Variants in TTLL5 observed in about 807,000 individuals in gnomAD.
The protein encoded by TTLL5 is tubulin tyrosine ligase like 5.
Under a neutral mutation model 168.4 loss-of-function variants are expected in TTLL5, and 132 were observed. The observed-to-expected ratio is 0.78, with a 90% confidence interval of 0.68 to 0.91. TTLL5 has a LOEUF of 0.91. Among genes scored for constraint, TTLL5 ranks in the 40% least tolerant of loss-of-function variants. The pLI, the probability that TTLL5 is intolerant of heterozygous loss-of-function variation, is 0.00. For synonymous variants in TTLL5, 546 were observed against 558.6 expected (o/e 0.98, Z 0.32); for missense variants, 1,545 against 1,581.5 (o/e 0.98, Z 0.39).
At chr14:75,845,356 C>T (rs1163368495) in intron 28 of TTLL5, among the ~76,000 whole-genome samples, 4 of 152,172 alleles carry the variant, frequency 2.6e-5, no homozygotes, top group East Asian at 3.8e-4. Context: ...AAGGACTCCC[C>T]GTGGCTGTAG....
In TTLL5 at chr14:75,891,163, G is replaced by A. The variant is rs376109181; in HGVS notation, c.3740+8261G>A. ...TCTATCACCGCTTTGCACACAGACT[G>A]TTCCACACACATGCTTCCCATTCTT... On this transcript the variant is annotated intron_variant, in intron 30 of 31. Coordinates refer to ENST00000298832, the MANE Select transcript of TTLL5 (RefSeq NM_015072.5). Among the ~76,000 whole-genome samples the A allele has an allele frequency of 7.2e-5, 11 of 152,294 alleles. No individual in the cohort carries two copies. The East Asian group carries it at 9.6e-4, about 13-fold the overall frequency.
chr14:75,765,312 A>G (rs61980797), intron 19 of TTLL5, among the ~76,000 whole-genome samples: 16,005 of 152,188 alleles, frequency 0.11, 1,016 homozygotes, highest in Non-Finnish European at 0.14. Context: ...TAAAAAAGAT[A>G]TGGTCTCTGT....
chr14:75,825,276 T>G (rs1436006778), intron 28 of TTLL5, among the ~76,000 whole-genome samples: 1 of 152,188 alleles, frequency 6.6e-6, no homozygotes, highest in African/African-American at 2.4e-5. Context: ...CCACTTAGTT[T>G]AGTACCTAGT....
At chr14:75,679,294 G>C (rs1884416786) in intron 3 of TTLL5, among the ~76,000 whole-genome samples, 1 of 152,160 alleles carries the variant, frequency 6.6e-6, no homozygotes, top group African/African-American at 2.4e-5. Context: ...ATGTGAAAAA[G>C]ACTACATGCA....
At chr14:75,795,348 T>C (rs574282427) in intron 27 of TTLL5, among the ~76,000 whole-genome samples, 10 of 152,376 alleles carry the variant, frequency 6.6e-5, no homozygotes, top group African/African-American at 1.9e-4. Context: ...AACAAGTTTT[T>C]AGATAAAGTG....
chr14:75,863,966 T>C, intron 29 of TTLL5, 104 bp downstream of exon 29: 1 of 1,219,706 alleles, frequency 8.2e-7, no homozygotes, highest in South Asian at 1.8e-5. Context: ...GGATTAGTTT[T>C]CCAACCCCGT....
At chr14:75,815,508 G>C (rs959869695) in intron 27 of TTLL5, among the ~76,000 whole-genome samples, 2 of 152,138 alleles carry the variant, frequency 1.3e-5, no homozygotes, top group African/African-American at 4.8e-5. Context: ...TCATGATCAA[G>C]TCACTTTTTA....
intron 9 of TTLL5, chr14:75,710,434 ACAC>A (rs1886992650): frequency 6.6e-6 from 1 of 151,080 alleles, no homozygotes; most frequent in Middle Eastern, 3.2e-3. Flanking sequence ...ACACACACAC[ACAC>A]AATGGATGTT....
chr14:75,662,569 C>T (rs150711720), intron 1 of TTLL5, among the ~76,000 whole-genome samples: 1,988 of 151,200 alleles, frequency 0.013, 53 homozygotes, highest in African/African-American at 0.043. Flanking sequence ...GAACTCCCGA[C>T]CTCAGGTGAT....
At chr14:75,791,123 A>AAAAAAAAAAAAT in intron 26 of TTLL5, among the ~76,000 whole-genome samples, 1 of 150,786 alleles carries the variant, frequency 6.6e-6, no homozygotes, top group Non-Finnish European at 1.5e-5. Flanking sequence ...AAAAAAAAAA[A>AAAAAAAAAAAAT]ATACCACTTT....
chr14:75,796,429 T>A (rs1893000821), intron 27 of TTLL5, among the ~76,000 whole-genome samples: 1 of 152,204 alleles, frequency 6.6e-6, no homozygotes, highest in Non-Finnish European at 1.5e-5. Context: ...TTAGTTTAAT[T>A]AAATTCTATC....
chr14:75,890,795 C>T (rs2032362696), intron 30 of TTLL5, among the ~76,000 whole-genome samples: 1 of 152,220 alleles, frequency 6.6e-6, no homozygotes, highest in Non-Finnish European at 1.5e-5. Flanking sequence ...TCTTGGCTCA[C>T]TGCAGCCTCT....
chr14:75,667,599 C>G (rs551460237), intron 2 of TTLL5, among the ~76,000 whole-genome samples: 1 of 152,212 alleles, frequency 6.6e-6, no homozygotes, highest in Non-Finnish European at 1.5e-5. Context: ...CATCCACATG[C>G]CATTTCTAGA....
At chr14:75,794,075 CAT>C (rs1308819625) in intron 27 of TTLL5, among the ~76,000 whole-genome samples, 1 of 152,172 alleles carries the variant, frequency 6.6e-6, no homozygotes, top group Non-Finnish European at 1.5e-5. Context: ...CTAAGCCTCT[CAT>C]GGAATTAGTT....
At position 75,914,052 on chromosome 14, in the gene TTLL5, A is replaced by ATATATATATATATATATATT. The variant is rs1304496430; in HGVS notation, c.3823+11831_3823+11832insATATATATATATATATTTAT. ...AAAAAAAATATATATATATATATAT[A>ATATATATATATATATATATT]TATTTTATCCCCTAAGGGCCCAGTT... On this transcript the variant is annotated intron_variant, in intron 31 of 31. Transcript: ENST00000298832. Among the ~76,000 whole-genome samples the ATATATATATATATATATATT allele has an allele frequency of 6.6e-4, 81 of 122,296 alleles. 2 individuals carry two copies. The East Asian group carries it at 0.01, about 16-fold the overall frequency. The allele number at this position is 122,296 out of a possible 152,430, so 80.2% of individuals were successfully genotyped here.
At chr14:75,887,135 T>G in intron 30 of TTLL5, 1 of 1,043,746 alleles carries the variant, frequency 9.6e-7, no homozygotes, top group Non-Finnish European at 1.2e-6. Flanking sequence ...TGGTGTCTGT[T>G]AAGGCTGCCA....
chr14:75,915,310 G>A (rs544417233), intron 31 of TTLL5, among the ~76,000 whole-genome samples: 18 of 152,226 alleles, frequency 1.2e-4, no homozygotes, highest in South Asian at 8.3e-4. Flanking sequence ...TCATGGTTCC[G>A]GAGTCATATG....
At chr14:75,775,888 A>G (rs1254111403) in intron 22 of TTLL5, among the ~76,000 whole-genome samples, 1 of 152,208 alleles carries the variant, frequency 6.6e-6, no homozygotes, top group African/African-American at 2.4e-5. Context: ...CCTTTTGAGC[A>G]CTGAGATGAA....
At chr14:75,880,050 C>T (rs1443356729) in intron 29 of TTLL5, among the ~76,000 whole-genome samples, 2 of 152,112 alleles carry the variant, frequency 1.3e-5, no homozygotes, top group African/African-American at 4.8e-5. Context: ...AGTCTCCCTC[C>T]TGCCTTGACC....
Sources: allele counts gnomAD v4.1 joint callset (sites outside exome capture counted in the v4.1 genomes callset), GRCh38; gene constraint gnomAD v4.1.1; transcripts MANE v1.5; gene names NCBI Gene and HGNC (gene_info 2026-07-23, HGNC 2026-07-21).